The following HPRT1 variants were observed in gnomAD, a reference collection of about 807,000 sequenced individuals.
The protein encoded by HPRT1 is hypoxanthine-guanine phosphoribosyltransferase.
In HPRT1, 4 loss-of-function variants were observed where a neutral mutation model predicts 19.0. The observed-to-expected ratio is 0.21, with a 90% CI of 0.10 to 0.48. The LOEUF (loss-of-function observed/expected upper bound fraction) is 0.48, where lower values mean the gene tolerates loss of function less well. Ranked by LOEUF, HPRT1 falls within the 20% of genes least tolerant of loss-of-function variation. The pLI is 0.98. For synonymous variants in HPRT1, 53 were observed against 54.9 expected, an observed-to-expected ratio of 0.97 and a Z score of 0.15; for missense variants, 65 against 164.0, an observed-to-expected ratio of 0.40 and a Z score of 3.30.
At chrX:134,461,858 A>T (rs2077585051) in intron 1 of HPRT1, among the ~76,000 whole-genome samples, 1 of 112,401 alleles carries the variant, frequency 8.9e-6, no homozygotes, top group African/African-American at 3.2e-5. Flanking sequence ...AATACCAGTT[A>T]AAAAATAGGC....
intron 3 of HPRT1, among the ~76,000 whole-genome samples, chrX:134,479,263 A>G (rs1185123788): frequency 8.9e-6 from 1 of 112,110 alleles, no homozygotes; most frequent in Non-Finnish European, 1.9e-5. Context: ...ATTTATTTCA[A>G]TTTTATAGTG....
At chrX:134,469,565 CT>C (rs1343341251) in intron 1 of HPRT1, among the ~76,000 whole-genome samples, 2 of 111,778 alleles carry the variant, frequency 1.8e-5, no homozygotes, top group African/African-American at 3.3e-5. Flanking sequence ...ATAAACAAGA[CT>C]TTTCAAATTC....
chrX:134,500,287 CT>C lies in HPRT1; in HGVS notation c.*213del. The C allele has an allele frequency of 2.6e-6, 1 of 389,942 alleles. No homozygotes were observed. The highest frequency in any genetic ancestry group is 4.1e-5 in the East Asian group (1 of 24,521). The allele number at this position is 389,942 out of a possible 1,213,427, so 32.1% of individuals were successfully genotyped here. A position where few individuals can be genotyped will look rare whatever the true frequency, so the allele number is the denominator to read the frequency against. On this transcript the variant is annotated 3_prime_UTR_variant, in exon 9 of 9. Transcript: ENST00000298556. ...TATGAGCCTATAGACTATCAGTTCC[CT>C]TTGGGCGGATTGTTGTTTAACTTGT...
Position 134,460,325 on chromosome X carries a change from G to C in HPRT1, c.14G>C (p.Ser5Thr), listed in dbSNP as rs1423491336. 8.8e-7 allele frequency: 1 copy of C among 1,130,220 alleles called. No individual in the cohort carries two copies. The highest frequency in any genetic ancestry group is 2.6e-5 in the Admixed American group (1 of 38,136). The allele number at this position is 1,130,220 out of a possible 1,213,427, so 93.1% of individuals were successfully genotyped here. A position where few individuals can be genotyped will look rare whatever the true frequency, so the allele number is the denominator to read the frequency against. Residue 5 changes from serine (S) to threonine (T), a missense_variant, in exon 1 of 9, where the codon AGC becomes ACC. This residue lies in a region of HPRT1 where 23 missense variants were observed against 29.3 expected (regional missense o/e 0.79). Coordinates refer to ENST00000298556, the MANE Select transcript of HPRT1 (RefSeq NM_000194.3). ...GCCGGCTCCGTTATGGCGACCCGCA[G>C]CCCTGGCGTCGTGGTGAGCAGCTCG... Reference protein sequence around the residue: MATRSPGVVISDDEP... With the variant: MATRTPGVVISDDEP...
rs1397022536 is a variant in HPRT1, at chrX:134,491,320, T to A, written c.402+1115T>A. On this transcript the variant is annotated intron_variant, in intron 5 of 8. Transcript: ENST00000298556. Reference sequence around the variant, plus strand: ...TTCTCTCACTTAATGTTTTCAAGGTTCATTCATGTTGTGGAGTATATCTGC... The same window carrying A: ...TTCTCTCACTTAATGTTTTCAAGGTACATTCATGTTGTGGAGTATATCTGC... 2.7e-5 allele frequency among the ~76,000 whole-genome samples: 3 copies of A among 110,859 alleles called. No homozygotes were observed. In the East Asian group the frequency reaches 8.5e-4, roughly 31 times the overall value.
intron 5 of HPRT1, 111 bp downstream of exon 5, chrX:134,490,316 G>C: frequency 2.4e-6 from 1 of 409,688 alleles, no homozygotes; most frequent in Non-Finnish European, 4.2e-6. Flanking sequence ...TTTAATGGTG[G>C]GCTTGTGTTC....
chrX:134,485,585 C>T (rs1401684663), intron 3 of HPRT1, among the ~76,000 whole-genome samples: 5 of 111,808 alleles, frequency 4.5e-5, no homozygotes, highest in Non-Finnish European at 1.9e-5. Context: ...TTCATCTTTT[C>T]CCTACTGACT....
chrX:134,462,649 G>A (rs908740160), intron 1 of HPRT1, among the ~76,000 whole-genome samples: 2 of 112,014 alleles, frequency 1.8e-5, no homozygotes, highest in Non-Finnish European at 3.8e-5. Context: ...GGGGTGTGAT[G>A]CCTGCCCCAG....
At chrX:134,483,268 A>G (rs182151002) in intron 3 of HPRT1, among the ~76,000 whole-genome samples, 177 of 111,244 alleles carry the variant, frequency 1.6e-3, no homozygotes, top group African/African-American at 5.7e-3. Flanking sequence ...ATGCATTTCT[A>G]TACAGCTTTC....
intron 7 of HPRT1, 62 bp downstream of exon 7, chrX:134,498,498 GA>G: frequency 9.6e-7 from 1 of 1,041,468 alleles, no homozygotes; most frequent in Non-Finnish European, 1.4e-6. Context: ...AGTTTTATGT[GA>G]AATGGCTTAT....
intron 1 of HPRT1, among the ~76,000 whole-genome samples, chrX:134,472,385 C>T (rs1473856742): frequency 4.0e-4 from 45 of 111,135 alleles, no homozygotes; most frequent in Non-Finnish European, 7.5e-5. Flanking sequence ...ATAATGAATA[C>T]CCGTATGTTC....
At chrX:134,462,110 C>G (rs765759647) in intron 1 of HPRT1, among the ~76,000 whole-genome samples, 3 of 111,623 alleles carry the variant, frequency 2.7e-5, no homozygotes, top group Admixed American at 9.5e-5. Context: ...CCCACTTCAG[C>G]CTCCCAAGTA....
intron 1 of HPRT1, among the ~76,000 whole-genome samples, chrX:134,471,527 T>C (rs1216492538): frequency 2.7e-5 from 3 of 112,204 alleles, no homozygotes; most frequent in African/African-American, 9.7e-5. Context: ...TTCTAAGAGT[T>C]TGGGTTTTCA....
Position 134,460,297 on chromosome X carries a change from C to T in HPRT1, c.-15C>T. On this transcript the variant is annotated 5_prime_UTR_variant, in exon 1 of 9. Transcript: ENST00000298556. ...TCCTCCTGAGCAGTCAGCCCGCGCG[C>T]CGGCCGGCTCCGTTATGGCGACCCG... 3 of 1,132,101 alleles carry T rather than the reference C, an allele frequency of 2.6e-6. No homozygotes were observed. Among genetic ancestry groups the T allele is most frequent in the Non-Finnish European group, 3.5e-6 (3 of 859,821 alleles). The allele number at this position is 1,132,101 out of a possible 1,213,427, so 93.3% of individuals were successfully genotyped here.
At chrX:134,488,539 C>T (rs1217950143) in intron 4 of HPRT1, among the ~76,000 whole-genome samples, 5 of 111,320 alleles carry the variant, frequency 4.5e-5, no homozygotes, top group Admixed American at 2.9e-4. Flanking sequence ...ACTTTGGACC[C>T]GAATACCTGT....
intron 6 of HPRT1, among the ~76,000 whole-genome samples, chrX:134,496,604 A>G (rs1350955625): frequency 1.8e-5 from 2 of 112,047 alleles, no homozygotes; most frequent in African/African-American, 6.5e-5. Flanking sequence ...TGTTCTTTCT[A>G]AATGGAAATA....
At chrX:134,490,977 CCTCTCTCTCTCTCT>C (rs755918860) in intron 5 of HPRT1, among the ~76,000 whole-genome samples, 1 of 91,840 alleles carries the variant, frequency 1.1e-5, no homozygotes, top group African/African-American at 4.0e-5. Flanking sequence ...TCACTAACAG[CCTCTCTCTCTCTCT>C]CTCTCTCTCT....
rs993602071 is a variant in HPRT1 at position 134,468,335 on chromosome X, C to T, written c.28-5024C>T. Reference sequence around the variant, plus strand: ...CCATTTAAGAATTAGTATTTGATGGCCGGGCGGGGTGGCTCACGCCTGTAA... The same window carrying T: ...CCATTTAAGAATTAGTATTTGATGGTCGGGCGGGGTGGCTCACGCCTGTAA... On this transcript the variant is annotated intron_variant, in intron 1 of 8. Transcript: ENST00000298556. Among the ~76,000 whole-genome samples, 3 of 110,322 alleles carry T rather than the reference C, an allele frequency of 2.7e-5. No homozygotes were observed. In the South Asian group the frequency reaches 1.2e-3, roughly 43 times the overall value.
At chrX:134,498,022 A>G (rs1229569668) in intron 6 of HPRT1, among the ~76,000 whole-genome samples, 1 of 111,839 alleles carries the variant, frequency 8.9e-6, no homozygotes, top group Non-Finnish European at 1.9e-5. Context: ...TAGGGATTGT[A>G]TTTCCAAGGT....
Sources: gnomAD v4.1 joint callset for allele counts (sites outside exome capture counted in the v4.1 genomes callset) on GRCh38, gnomAD v4.1.1 for gene constraint, gnomAD v4.1.1 regional missense constraint, MANE v1.5 for transcripts, NCBI Gene and HGNC (gene_info 2026-07-23, HGNC 2026-07-21) for gene names.